The following AGBL2 variants were observed in gnomAD, a reference collection of about 807,000 sequenced individuals.
AGBL2 encodes AGBL carboxypeptidase 2, also known as cytosolic carboxypeptidase 2.
A neutral mutation model predicts 103.0 loss-of-function variants in AGBL2; 87 were observed. The observed-to-expected ratio is 0.84, with a 90% CI of 0.71 to 1.01. AGBL2 has a LOEUF of 1.01. Ranked by LOEUF, AGBL2 falls within the 50% of genes least tolerant of loss-of-function variation. AGBL2 has a pLI of 0.00. For synonymous variants in AGBL2, 335 were observed against 356.7 expected (o/e 0.94, Z 0.69); for missense variants, 904 against 1,023.5 (o/e 0.88, Z 1.59).
chr11:47,689,190 G>A (rs138409676), intron 10 of AGBL2, among the ~76,000 whole-genome samples: 57 of 152,146 alleles, frequency 3.7e-4, no homozygotes, highest in Admixed American at 1.4e-3. Flanking sequence ...ATATAAGATC[G>A]TAAAAGGAAT....
At chr11:47,706,271 C>G (rs932668147) in intron 4 of AGBL2, among the ~76,000 whole-genome samples, 7 of 152,118 alleles carry the variant, frequency 4.6e-5, no homozygotes, top group African/African-American at 1.7e-4. Context: ...AATCCCAGCA[C>G]TTTGGGAGGC....
At chr11:47,711,864 A>C (rs1233580397) in intron 3 of AGBL2, among the ~76,000 whole-genome samples, 1 of 152,140 alleles carries the variant, frequency 6.6e-6, no homozygotes, top group Non-Finnish European at 1.5e-5. Context: ...TGGAAAGTAA[A>C]AAATTGTATG....
At chr11:47,671,412 C>T (rs922512270) in intron 14 of AGBL2, among the ~76,000 whole-genome samples, 6 of 151,916 alleles carry the variant, frequency 3.9e-5, no homozygotes, top group East Asian at 1.9e-4. Context: ...TCCAGCTACT[C>T]GGGAGGCTGA....
At chr11:47,676,513 C>T (rs2097375085) in intron 14 of AGBL2, among the ~76,000 whole-genome samples, 1 of 152,144 alleles carries the variant, frequency 6.6e-6, no homozygotes, top group South Asian at 2.1e-4. Flanking sequence ...AGCCAGTGTT[C>T]CTGTTGAAAC....
intron 7 of AGBL2, among the ~76,000 whole-genome samples, chr11:47,702,512 A>G (rs541376869): frequency 6.6e-6 from 1 of 152,190 alleles, no homozygotes; most frequent in South Asian, 2.1e-4. Flanking sequence ...TACTATCTCT[A>G]GCACCAAGCA....
chr11:47,713,605 T>C (rs1340351645), intron 3 of AGBL2, among the ~76,000 whole-genome samples: 2 of 151,154 alleles, frequency 1.3e-5, no homozygotes, highest in Non-Finnish European at 2.9e-5. Flanking sequence ...TTTATTTTTT[T>C]TGAGACAGAG....
At position 47,700,918 on chromosome 11, in the gene AGBL2, G is replaced by A. The variant is rs186157926; in HGVS notation, c.587-1365C>T. On this transcript the variant is annotated intron_variant, in intron 7 of 18. Transcript: ENST00000525123. ...CTATTAAAAAATACAAAAATTAGCCGAGTTACAGTGGGCACCTGTAATCCC... is the reference window on the plus strand; with the variant it reads ...CTATTAAAAAATACAAAAATTAGCCAAGTTACAGTGGGCACCTGTAATCCC... Among the ~76,000 whole-genome samples, 486 of 150,950 alleles carry A rather than the reference G, an allele frequency of 3.2e-3. 4 individuals are homozygous for A. Among genetic ancestry groups the A allele is most frequent in the Middle Eastern group, 6.8e-3 (2 of 292 alleles).
Position 47,699,490 on chromosome 11 carries a change from A to G in AGBL2, c.650T>C (p.Ile217Thr). ...QPKGNEKVPE[I>T]VGEKKGTVVY... ...AACTGTTCCTTTTTTCTCTCCTACA[A>G]TCTCTGGTACCTTTTCATTTCCTTT... Residue 217 changes from isoleucine to threonine, a missense_variant, in exon 8 of 19, where the codon ATT (isoleucine) becomes ACT (threonine). Coordinates refer to ENST00000525123, the MANE Select transcript of AGBL2 (RefSeq NM_024783.4). 4.3e-6 allele frequency: 7 copies of G among 1,610,320 alleles called. No homozygotes were observed. Among genetic ancestry groups the G allele is most frequent in the Admixed American group, 1.7e-5 (1 of 59,542 alleles).
intron 8 of AGBL2, among the ~76,000 whole-genome samples, chr11:47,693,012 G>T (rs2097454106): frequency 6.6e-6 from 1 of 151,750 alleles, no homozygotes; most frequent in South Asian, 2.1e-4. Flanking sequence ...TAGAGATGAG[G>T]TCCCACTATG....
chr11:47,702,549 T>C (rs952313900), intron 7 of AGBL2, among the ~76,000 whole-genome samples: 2 of 152,092 alleles, frequency 1.3e-5, no homozygotes, highest in Non-Finnish European at 2.9e-5. Context: ...ACAACACATA[T>C]GAACGAATAT....
intron 3 of AGBL2, 95 bp from the exon 4 acceptor site, chr11:47,710,606 C>A (rs1216896446): frequency 1.3e-5 from 18 of 1,411,878 alleles, no homozygotes; most frequent in Non-Finnish European, 1.8e-5. Flanking sequence ...TTTATCACCA[C>A]CCACCACCAC....
At chr11:47,677,210 A>G in intron 14 of AGBL2, 61 bp downstream of exon 14, 5 of 1,359,210 alleles carry the variant, frequency 3.7e-6, no homozygotes, top group Non-Finnish European at 4.9e-6. Flanking sequence ...ATCTCACTAT[A>G]TCACCCAGGT....
At chr11:47,667,274 G>A (rs1188066998) in intron 16 of AGBL2, among the ~76,000 whole-genome samples, 1 of 152,150 alleles carries the variant, frequency 6.6e-6, no homozygotes, top group African/African-American at 2.4e-5. Context: ...ATCTACTCCT[G>A]ACTAGCTCTA....
At chr11:47,661,873 C>T (rs2097328998) in intron 18 of AGBL2, among the ~76,000 whole-genome samples, 1 of 151,910 alleles carries the variant, frequency 6.6e-6, no homozygotes, top group Admixed American at 6.6e-5. Flanking sequence ...CTCAGCCTTC[C>T]AAGTAGCTGG....
intron 10 of AGBL2, among the ~76,000 whole-genome samples, chr11:47,687,337 G>A (rs2097427952): frequency 6.6e-6 from 1 of 151,524 alleles, no homozygotes; most frequent in African/African-American, 2.4e-5. Context: ...ATCAACAGAG[G>A]GGACAGTATT....
At chr11:47,665,063 T>G (rs569327555) in intron 17 of AGBL2, among the ~76,000 whole-genome samples, 1 of 151,268 alleles carries the variant, frequency 6.6e-6, no homozygotes, top group Non-Finnish European at 1.5e-5. Context: ...TTTTCTTCTT[T>G]TTTTTTTTTC....
chr11:47,674,343 C>A (rs934191360), intron 14 of AGBL2, among the ~76,000 whole-genome samples: 1 of 152,016 alleles, frequency 6.6e-6, no homozygotes, highest in African/African-American at 2.4e-5. Flanking sequence ...GGGCAGATTG[C>A]CTGAGGTCAG....
At chr11:47,692,402 ATC>A (rs2097450980) in intron 8 of AGBL2, 146 bp from the exon 9 acceptor site, 44 of 275,796 alleles carry the variant, frequency 1.6e-4, no homozygotes, top group South Asian at 4.2e-4. Flanking sequence ...GAGACTTTTA[ATC>A]TTTTTTTTTT....
chr11:47,690,275 A>C lies in AGBL2; in HGVS notation c.1432T>G (p.Phe478Val). 1 of 1,613,908 alleles carries C rather than the reference A, an allele frequency of 6.2e-7. No individual in the cohort carries two copies. Among genetic ancestry groups the C allele is most frequent in the East Asian group, 2.2e-5 (1 of 44,890 alleles). The change falls in exon 10 of 19, where the codon TTC (phenylalanine) becomes GTC (valine). Residue 478 changes from phenylalanine to valine, a missense_variant. Transcript: ENST00000525123. ...GCATCTGGGGAGTTGCTAAGGATGA[A>C]GTCCAAAAAGCCTTTCATAACCCAG... ...GSWVMKGFLD[F>V]ILSNSPDAQL...
Sources: gnomAD v4.1 joint callset for allele counts (sites outside exome capture counted in the v4.1 genomes callset) on GRCh38, gnomAD v4.1.1 for gene constraint, MANE v1.5 for transcripts, NCBI Gene and HGNC (gene_info 2026-07-23, HGNC 2026-07-21) for gene names.